The following RFLNA variants were observed in gnomAD, a reference collection of about 807,000 sequenced individuals.
The protein encoded by RFLNA is refilin A.
RFLNA carries 5 observed loss-of-function variants against 7.8 expected under a neutral mutation model. The observed-to-expected ratio is 0.64, with a 90% confidence interval of 0.34 to 1.35. The LOEUF (loss-of-function observed/expected upper bound fraction) is 1.35, where lower values mean the gene tolerates loss of function less well. RFLNA is among the 40% of genes most tolerant of loss of function. The pLI is 0.04. For synonymous variants in RFLNA, 141 were observed against 131.3 expected, an observed-to-expected ratio of 1.07 and a Z score of -0.50; for missense variants, 278 against 305.5, an observed-to-expected ratio of 0.91 and a Z score of 0.67.
intron 1 of RFLNA, among the ~76,000 whole-genome samples, chr12:124,305,891 G>A (rs1427016475): frequency 2.0e-5 from 3 of 152,188 alleles, no homozygotes; most frequent in Non-Finnish European, 4.4e-5. Context: ...CACTCACTCC[G>A]TGTCAATGCC....
chr12:124,295,696 C>G, intron 1 of RFLNA, 60 bp downstream of exon 1: 1 of 1,225,560 alleles, frequency 8.2e-7, no homozygotes, highest in Non-Finnish European at 1.0e-6. Flanking sequence ...TGAGGGCTGC[C>G]CCCAGAGACG....
intron 1 of RFLNA, among the ~76,000 whole-genome samples, chr12:124,307,893 T>C (rs1228767840): frequency 6.6e-6 from 1 of 152,008 alleles, no homozygotes; most frequent in African/African-American, 2.4e-5. Context: ...CCTGCCTCTC[T>C]GGCTTCTGGT....
intron 1 of RFLNA, among the ~76,000 whole-genome samples, chr12:124,301,953 G>A (rs549207337): frequency 2.0e-5 from 3 of 152,090 alleles, no homozygotes; most frequent in African/African-American, 4.8e-5. Context: ...TCGAGCTGAC[G>A]GCGGGGGCAC....
Position 124,304,285 on chromosome 12 carries a change from G to A in RFLNA, c.208-7533G>A, listed in dbSNP as rs1341099814. 3.3e-5 allele frequency among the ~76,000 whole-genome samples: 5 copies of A among 152,364 alleles called. No individual in the cohort carries two copies. In the East Asian group the frequency reaches 7.7e-4, roughly 23 times the overall value. On this transcript the variant is annotated intron_variant, in intron 1 of 2. Transcript: ENST00000546355. ...GGCCTTGGCGGGGACTTCCCGAGCC[G>A]TCTCACCGCCCAGGCCCACGGGACG... is the stretch of plus-strand genomic sequence containing the variant.
intron 1 of RFLNA, among the ~76,000 whole-genome samples, chr12:124,307,453 C>T (rs2034155616): frequency 6.6e-6 from 1 of 152,248 alleles, no homozygotes; most frequent in Non-Finnish European, 1.5e-5. Context: ...AGTCACACTC[C>T]TGCGCCCCTG....
chr12:124,297,443 A>G (rs1022969654), intron 1 of RFLNA, among the ~76,000 whole-genome samples: 1 of 152,188 alleles, frequency 6.6e-6, no homozygotes, highest in African/African-American at 2.4e-5. Context: ...GTGCCAGGAT[A>G]ACTGTCCTAA....
At chr12:124,311,165 G>A (rs1397430290) in intron 1 of RFLNA, among the ~76,000 whole-genome samples, 5 of 152,208 alleles carry the variant, frequency 3.3e-5, no homozygotes, top group South Asian at 2.1e-4. Context: ...GGCCCAGTGT[G>A]GGTTACACGC....
upstream of RFLNA, among the ~76,000 whole-genome samples, chr12:124,292,861 T>C (rs1470007245): frequency 6.6e-6 from 1 of 152,226 alleles, no homozygotes; most frequent in Non-Finnish European, 1.5e-5. Flanking sequence ...CCACAAATGG[T>C]ATTTCGCTGC....
intron 1 of RFLNA, among the ~76,000 whole-genome samples, chr12:124,300,671 G>T (rs1395726988): frequency 6.6e-6 from 1 of 151,102 alleles, no homozygotes; most frequent in African/African-American, 2.4e-5. Context: ...TAGATAGAAG[G>T]ATGGATCGAT....
intron 1 of RFLNA, among the ~76,000 whole-genome samples, chr12:124,303,800 C>T (rs1160864200): frequency 1.3e-5 from 2 of 152,142 alleles, no homozygotes; most frequent in African/African-American, 2.4e-5. Flanking sequence ...TAGACCAGAA[C>T]AGGAGCCCGG....
chr12:124,291,202 T>C (rs920035441), upstream of RFLNA, among the ~76,000 whole-genome samples: 1 of 152,226 alleles, frequency 6.6e-6, no homozygotes. Context: ...ACTTAACCTC[T>C]CTGAGTCTCC....
chr12:124,304,136 C>T (rs1346853401), intron 1 of RFLNA, among the ~76,000 whole-genome samples: 1 of 152,248 alleles, frequency 6.6e-6, no homozygotes, highest in Non-Finnish European at 1.5e-5. Flanking sequence ...CAGGGCGCCA[C>T]GACCGTTTCG....
intron 1 of RFLNA, among the ~76,000 whole-genome samples, chr12:124,310,105 C>T (rs962714526): frequency 2.2e-5 from 3 of 136,286 alleles, no homozygotes; most frequent in African/African-American, 5.6e-5. Flanking sequence ...CCCAGAAGTT[C>T]GAGGCTGCAG....
At chr12:124,310,385 A>AG (rs1566328274) in intron 1 of RFLNA, among the ~76,000 whole-genome samples, 3 of 149,926 alleles carry the variant, frequency 2.0e-5, no homozygotes, top group Admixed American at 6.6e-5. Context: ...AGAGTGGGGT[A>AG]GGGGGAGGGC....
intron 1 of RFLNA, among the ~76,000 whole-genome samples, chr12:124,305,142 C>G (rs1354552225): frequency 6.6e-6 from 1 of 152,192 alleles, no homozygotes. Context: ...TTGCTTGCTT[C>G]TGAAAGTAAG....
At chr12:124,297,958 C>T (rs1040120781) in intron 1 of RFLNA, among the ~76,000 whole-genome samples, 2 of 152,220 alleles carry the variant, frequency 1.3e-5, no homozygotes, top group East Asian at 1.9e-4. Context: ...TATCGGCACC[C>T]CATACTGTCT....
At chr12:124,311,790 A>G (rs1461694711) in intron 1 of RFLNA, 28 bp from the exon 2 acceptor site, 9 of 1,532,666 alleles carry the variant, frequency 5.9e-6, no homozygotes, top group Non-Finnish European at 8.8e-7. Flanking sequence ...GGGGCTGCAT[A>G]ACCCCGTGTC....
At chr12:124,305,589 C>G (rs565053775) in intron 1 of RFLNA, among the ~76,000 whole-genome samples, 108 of 152,354 alleles carry the variant, frequency 7.1e-4, no homozygotes, top group African/African-American at 2.5e-3. Flanking sequence ...TGTGCCTGTT[C>G]TGGCTCCTAG....
At chr12:124,312,073 G>C (rs1022863882) in intron 2 of RFLNA, 146 bp downstream of exon 2, 4 of 986,886 alleles carry the variant, frequency 4.1e-6, no homozygotes, top group Non-Finnish European at 5.6e-6. Context: ...TCTGGGTGCT[G>C]CTTCCTGGGG....
Sources: gnomAD v4.1 joint callset for allele counts (sites outside exome capture counted in the v4.1 genomes callset) on GRCh38, gnomAD v4.1.1 for gene constraint, MANE v1.5 for transcripts, NCBI Gene and HGNC (gene_info 2026-07-23, HGNC 2026-07-21) for gene names.